NXPE3: variants seen among roughly 807,000 people sequenced by gnomAD.
NXPE3 encodes NXPE family member 3.
Under a neutral mutation model 46.1 loss-of-function variants are expected in NXPE3, and 26 were observed. That is an observed-to-expected ratio of 0.56 (90% confidence interval 0.41 to 0.78). NXPE3 has a LOEUF of 0.78. Ranked by LOEUF, NXPE3 falls within the 30% of genes least tolerant of loss-of-function variation. The pLI is 0.00. For missense variants in NXPE3, 620 were observed against 686.0 expected (o/e 0.90, Z 1.07); for synonymous variants, 272 against 257.9 (o/e 1.05, Z -0.52).
intron 6 of NXPE3, among the ~76,000 whole-genome samples, chr3:101,808,764 T>C (rs1383672542): frequency 7.0e-6 from 1 of 142,556 alleles, no homozygotes; most frequent in African/African-American, 2.6e-5. Flanking sequence ...AGTCTTTTCC[T>C]GATGAAGAGC....
chr3:101,816,106 G>A (rs1289385799), intron 6 of NXPE3, among the ~76,000 whole-genome samples: 3 of 152,144 alleles, frequency 2.0e-5, no homozygotes, highest in Non-Finnish European at 4.4e-5. Flanking sequence ...GGAGGTTGCA[G>A]TGAGCCGAGA....
rs561084662 is a variant in NXPE3 at position 101,820,789 on chromosome 3, G to T, written c.1130-615G>T. ...ACACAGGAACAGAAAACCAAATATT[G>T]CATGTTCTCACTTATAAGCGGGAGC... On this transcript the variant is annotated intron_variant, in intron 7 of 7. Coordinates refer to ENST00000273347, the MANE Select transcript of NXPE3 (RefSeq NM_145037.4). Among the ~76,000 whole-genome samples the T allele has an allele frequency of 1.9e-3, 289 of 152,278 alleles. 1 individual carries two copies. The highest frequency in any genetic ancestry group is 2.2e-3 in the Admixed American group (34 of 15,296).
intron 4 of NXPE3, among the ~76,000 whole-genome samples, chr3:101,792,055 C>T (rs897528532): frequency 2.0e-5 from 3 of 152,096 alleles, no homozygotes; most frequent in Non-Finnish European, 1.5e-5. Context: ...AGCTCTTTGG[C>T]CGCATGTGTG....
At chr3:101,804,645 T>C (rs1435456844) in intron 5 of NXPE3, among the ~76,000 whole-genome samples, 1 of 152,072 alleles carries the variant, frequency 6.6e-6, no homozygotes, top group Non-Finnish European at 1.5e-5. Flanking sequence ...GGCCCAAATA[T>C]GTTGAGCTGA....
At chr3:101,796,668 C>T (rs1940846245) in intron 4 of NXPE3, among the ~76,000 whole-genome samples, 1 of 152,176 alleles carries the variant, frequency 6.6e-6, no homozygotes, top group East Asian at 1.9e-4. Context: ...TTTTGTTTTC[C>T]CCATGCCATT....
rs1941121604 is a variant in NXPE3 at position 101,801,221 on chromosome 3, G to A, written c.94-14G>A. The A allele has an allele frequency of 1.9e-6, 3 of 1,587,864 alleles. No individual in the cohort carries two copies. Among genetic ancestry groups the A allele is most frequent in the African/African-American group, 2.7e-5 (2 of 74,162 alleles). On this transcript the variant is annotated splice_polypyrimidine_tract_variant and intron_variant, in intron 4 of 7. Coordinates refer to ENST00000273347, the MANE Select transcript of NXPE3 (RefSeq NM_145037.4). ...TATAGTGGTAATTTCTGTTGTTTGT[G>A]TCTTCTTCTTCAGTACTTGGACCAT...
chr3:101,787,701 G>A (rs1468077324), intron 4 of NXPE3, among the ~76,000 whole-genome samples: 1 of 152,072 alleles, frequency 6.6e-6, no homozygotes, highest in Non-Finnish European at 1.5e-5. Context: ...TTCTTTTTAA[G>A]GCTGAGTAAT....
At chr3:101,791,442 A>G (rs1940512059) in intron 4 of NXPE3, among the ~76,000 whole-genome samples, 1 of 152,086 alleles carries the variant, frequency 6.6e-6, no homozygotes, top group African/African-American at 2.4e-5. Flanking sequence ...CTGGAGTGCA[A>G]TGGCACGATC....
intron 4 of NXPE3, among the ~76,000 whole-genome samples, chr3:101,792,992 C>A (rs1398858444): frequency 1.3e-5 from 2 of 152,054 alleles, no homozygotes; most frequent in Non-Finnish European, 2.9e-5. Flanking sequence ...CCCTTGTTAG[C>A]TGTATTCATG....
chr3:101,809,826 T>C (rs776849346), intron 6 of NXPE3, among the ~76,000 whole-genome samples: 1 of 152,208 alleles, frequency 6.6e-6, no homozygotes, highest in African/African-American at 2.4e-5. Context: ...TGTCATCCTT[T>C]TGTTTGTTTT....
At chr3:101,800,907 G>A (rs1941103660) in intron 4 of NXPE3, among the ~76,000 whole-genome samples, 1 of 152,026 alleles carries the variant, frequency 6.6e-6, no homozygotes, top group Non-Finnish European at 1.5e-5. Context: ...GGACTGGGTG[G>A]CTCGAGTGGG....
At chr3:101,788,685 G>A (rs888390995) in intron 4 of NXPE3, among the ~76,000 whole-genome samples, 5 of 152,112 alleles carry the variant, frequency 3.3e-5, no homozygotes, top group South Asian at 2.1e-4. Flanking sequence ...GCATGATCTC[G>A]TCTCACTGCA....
At chr3:101,817,258 A>G (rs1332043465) in intron 7 of NXPE3, among the ~76,000 whole-genome samples, 3 of 152,194 alleles carry the variant, frequency 2.0e-5, no homozygotes, top group Non-Finnish European at 4.4e-5. Context: ...CAAGTCATTT[A>G]CTTTTTAGGG....
At chr3:101,782,089 A>T (rs560009563) in intron 1 of NXPE3, 21 bp from the exon 2 acceptor site, 1 of 152,064 alleles carries the variant, frequency 6.6e-6, no homozygotes, top group Non-Finnish European at 1.5e-5. Context: ...CCTTTATATC[A>T]TATGCATATT....
chr3:101,799,588 G>T (rs1031409980), intron 4 of NXPE3, among the ~76,000 whole-genome samples: 5 of 151,996 alleles, frequency 3.3e-5, no homozygotes, highest in Non-Finnish European at 7.4e-5. Flanking sequence ...ACCACACTCA[G>T]CTAATTTTTG....
chr3:101,821,435 G>A lies in NXPE3; in HGVS notation c.1161G>A (p.Lys387=). 3 of 1,614,090 alleles carry A rather than the reference G, an allele frequency of 1.9e-6. No individual in the cohort carries two copies. The highest frequency in any genetic ancestry group is 1.7e-6 in the Non-Finnish European group (2 of 1,179,992). The change falls in exon 8 of 8, where the codon AAG becomes AAA. Residue 387 remains lysine, a synonymous_variant. Coordinates refer to ENST00000273347, the MANE Select transcript of NXPE3 (RefSeq NM_145037.4). The stretch of plus-strand genomic sequence containing the variant: ...TGGAGTTTAACTTGGGTAGTCCCAA[G>A]AATGTGGGTCCCTTCCTTGCAGTGG... The part of the protein sequence containing the change: ...DLVEFNLGSP[K]NVGPFLAVDQ...
At chr3:101,788,770 C>A (rs1247255867) in intron 4 of NXPE3, among the ~76,000 whole-genome samples, 1 of 152,138 alleles carries the variant, frequency 6.6e-6, no homozygotes, top group Non-Finnish European at 1.5e-5. Context: ...CGTCTGCCAC[C>A]ATGCCCAGCT....
At chr3:101,793,527 C>T (rs1163093974) in intron 4 of NXPE3, among the ~76,000 whole-genome samples, 1 of 148,164 alleles carries the variant, frequency 6.7e-6, no homozygotes, top group African/African-American at 2.5e-5. Flanking sequence ...ATTATGGTTA[C>T]ATCTACCATT....
Position 101,825,206 on chromosome 3 carries a change from C to G in NXPE3, c.*3252C>G, listed in dbSNP as rs1195210029. The G allele has an allele frequency of 6.6e-6, 1 of 152,130 alleles. No homozygotes were observed. Among genetic ancestry groups the G allele is most frequent in the Non-Finnish European group, 1.5e-5 (1 of 68,020 alleles). 9.4% of individuals were successfully genotyped at this position (152,130 alleles called of 1,614,324 possible). ...TGTGTGTTGTTGCCCTTTATGTGTC[C>G]ATGTGTTCTCATCATTTAGCTCTCA... On this transcript the variant is annotated 3_prime_UTR_variant, in exon 8 of 8. Transcript: ENST00000273347.
Sources: allele counts gnomAD v4.1 joint callset (sites outside exome capture counted in the v4.1 genomes callset), GRCh38; gene constraint gnomAD v4.1.1; transcripts MANE v1.5; gene names NCBI Gene and HGNC (gene_info 2026-07-23, HGNC 2026-07-21).